CACNA1C: variants seen among roughly 807,000 people sequenced by gnomAD.
CACNA1C encodes the protein calcium voltage-gated channel subunit alpha1 C, also known as voltage-dependent L-type calcium channel subunit alpha-1C.
CACNA1C carries 30 observed loss-of-function variants against 229.0 expected under a neutral mutation model. The observed-to-expected ratio is 0.13, with a 90% CI of 0.10 to 0.18. The LOEUF is 0.18. CACNA1C is among the 10% of genes least tolerant of loss of function. The pLI, the probability that CACNA1C is intolerant of heterozygous loss-of-function variation, is 1.00. For missense variants in CACNA1C, 1,658 were observed against 2,845.0 expected, an observed-to-expected ratio of 0.58 and a Z score of 9.49; for synonymous variants, 1,114 against 1,132.5, an observed-to-expected ratio of 0.98 and a Z score of 0.33.
chr12:2,385,781 G>A (rs1315439629), intron 3 of CACNA1C, among the ~76,000 whole-genome samples: 1 of 152,134 alleles, frequency 6.6e-6, no homozygotes, highest in East Asian at 1.9e-4. Context: ...TTCACCCCTG[G>A]GTGTATATTA....
chr12:2,688,757 G>A lies in CACNA1C; in HGVS notation c.6095G>A (p.Ser2032Asn). ...GCCCCAGGGAGGCAGTTCCACGGCA[G>A]TGCCAGCAGCCTGGTGGAAGCGGTA... ...AGAPGRQFHG[S>N]ASSLVEAVLI... is the part of the protein sequence containing the mutation. The change falls in exon 46 of 47, where the codon AGT (serine) becomes AAT (asparagine). Residue 2032 changes from serine (S) to asparagine (N), a missense_variant. This residue lies in a region of CACNA1C where 590 missense variants were observed against 700.8 expected (regional missense o/e 0.84). Coordinates refer to ENST00000399655, the MANE Select transcript of CACNA1C (RefSeq NM_000719.7). The A allele has an allele frequency of 6.4e-7, 1 of 1,564,892 alleles. No homozygotes were observed. Among genetic ancestry groups the A allele is most frequent in the South Asian group, 1.2e-5 (1 of 85,140 alleles).
chr12:2,697,417 T>A lies in CACNA1C; in HGVS notation c.*6218T>A, dbSNP rs968722558. ...GTTGGTGAAGCACTGAAAGGTCTAT[T>A]ACTCTCATAATATTGCTGTTTTATT... is the stretch of plus-strand genomic sequence containing the variant. On this transcript the variant is annotated 3_prime_UTR_variant, in exon 47 of 47. Coordinates refer to ENST00000399655, the MANE Select transcript of CACNA1C (RefSeq NM_000719.7). The A allele has an allele frequency of 1.3e-5, 2 of 152,158 alleles. No individual in the cohort carries two copies. The highest frequency in any genetic ancestry group is 4.8e-5 in the African/African-American group (2 of 41,418). The allele number at this position is 152,158 out of a possible 1,614,324, so 9.4% of individuals were successfully genotyped here.
chr12:2,115,113 A>G (rs1028712042), intron 1 of CACNA1C, 111 bp from the exon 2 acceptor site: 2 of 837,022 alleles, frequency 2.4e-6, no homozygotes, highest in South Asian at 1.9e-5. Context: ...ACCGCCTGCA[A>G]TAGCTTGAAA....
intron 9 of CACNA1C, among the ~76,000 whole-genome samples, chr12:2,522,302 G>T (rs2099811526): frequency 6.6e-6 from 1 of 152,168 alleles, no homozygotes; most frequent in South Asian, 2.1e-4. Context: ...CTCCCACTCA[G>T]TATGTAGGGC....
At chr12:2,140,678 C>T (rs1046540903) in intron 3 of CACNA1C, among the ~76,000 whole-genome samples, 1 of 151,254 alleles carries the variant, frequency 6.6e-6, no homozygotes, top group Non-Finnish European at 1.5e-5. Context: ...ACAAGTAGAC[C>T]ATTTGACTTC....
intron 1 of CACNA1C, among the ~76,000 whole-genome samples, chr12:2,040,416 A>G (rs928515998): frequency 6.6e-6 from 1 of 152,136 alleles, no homozygotes; most frequent in East Asian, 1.9e-4. Flanking sequence ...TTTAAGGGAA[A>G]TTTTCAAGCA....
intron 42 of CACNA1C, chr12:2,680,336 C>T: frequency 6.7e-7 from 1 of 1,490,928 alleles, no homozygotes. Flanking sequence ...ACTCTTTTCT[C>T]CTTGTCCTCT....
intron 43 of CACNA1C, among the ~76,000 whole-genome samples, chr12:2,684,650 CA>C (rs1228954684): frequency 6.6e-6 from 1 of 152,116 alleles, no homozygotes; most frequent in Non-Finnish European, 1.5e-5. Context: ...GTACAACCCC[CA>C]GGGGTACAGG....
chr12:2,264,687 GC>G (rs1282964451), intron 3 of CACNA1C, among the ~76,000 whole-genome samples: 1 of 152,224 alleles, frequency 6.6e-6, no homozygotes, highest in Non-Finnish European at 1.5e-5. Flanking sequence ...AGGCCAGCCA[GC>G]CCTTTTGGCA....
At chr12:2,204,174 G>A (rs1385703623) in intron 3 of CACNA1C, among the ~76,000 whole-genome samples, 2 of 151,944 alleles carry the variant, frequency 1.3e-5, no homozygotes, top group Non-Finnish European at 2.9e-5. Context: ...TCTCATTGTG[G>A]TTTTGATTTG....
chr12:2,565,338 G>A (rs1235461038), intron 11 of CACNA1C, among the ~76,000 whole-genome samples: 19 of 151,704 alleles, frequency 1.3e-4, no homozygotes, highest in Admixed American at 1.2e-3. Context: ...GCGGTGGCGG[G>A]CGCCTGTAGT....
At chr12:2,592,666 G>T (rs2065935201) in intron 18 of CACNA1C, among the ~76,000 whole-genome samples, 1 of 151,710 alleles carries the variant, frequency 6.6e-6, no homozygotes, top group South Asian at 2.1e-4. Flanking sequence ...GCCTGCTGTG[G>T]TCAGTAGTAT....
At chr12:2,546,886 G>A (rs993155678) in intron 9 of CACNA1C, among the ~76,000 whole-genome samples, 8 of 152,190 alleles carry the variant, frequency 5.3e-5, no homozygotes, top group African/African-American at 7.2e-5. Flanking sequence ...CAAGTAGGTC[G>A]ACCAGTGGGT....
intron 34 of CACNA1C, among the ~76,000 whole-genome samples, chr12:2,656,338 C>A (rs933164102): frequency 6.6e-6 from 1 of 152,092 alleles, no homozygotes; most frequent in Non-Finnish European, 1.5e-5. Context: ...GTCCCTTTTA[C>A]AATAGCATCA....
intron 3 of CACNA1C, among the ~76,000 whole-genome samples, chr12:2,260,179 A>G (rs924926253): frequency 6.6e-6 from 1 of 152,234 alleles, no homozygotes. Flanking sequence ...CAATCTGGGG[A>G]AAAAAGAGAA....
At chr12:2,122,886 C>G (rs1390036547) in intron 3 of CACNA1C, among the ~76,000 whole-genome samples, 1 of 152,216 alleles carries the variant, frequency 6.6e-6, no homozygotes, top group African/African-American at 2.4e-5. Flanking sequence ...CGAGAGAACT[C>G]CAACTGTGCA....
At chr12:2,000,615 G>T (rs1013373576) in intron 1 of CACNA1C, among the ~76,000 whole-genome samples, 4 of 152,068 alleles carry the variant, frequency 2.6e-5, no homozygotes, top group African/African-American at 9.7e-5. Flanking sequence ...TACACACAAA[G>T]AATATGAGTT....
intron 18 of CACNA1C, among the ~76,000 whole-genome samples, chr12:2,589,478 C>T (rs991862876): frequency 1.3e-5 from 2 of 152,218 alleles, no homozygotes; most frequent in Non-Finnish European, 2.9e-5. Flanking sequence ...CAGGGATGCA[C>T]TTGGCTGTGG....
intron 3 of CACNA1C, among the ~76,000 whole-genome samples, chr12:2,230,724 A>G (rs977583683): frequency 7.9e-5 from 12 of 152,242 alleles, no homozygotes; most frequent in African/African-American, 2.4e-4. Flanking sequence ...TCACAAAGCC[A>G]TAAATACATT....
Sources: gnomAD v4.1 joint callset for allele counts (sites outside exome capture counted in the v4.1 genomes callset) on GRCh38, gnomAD v4.1.1 for gene constraint, gnomAD v4.1.1 regional missense constraint, MANE v1.5 for transcripts, NCBI Gene and HGNC (gene_info 2026-07-23, HGNC 2026-07-21) for gene names.